Variants in RAPH1 observed in about 807,000 individuals in gnomAD.
The protein encoded by RAPH1 is Ras association (RalGDS/AF-6) and pleckstrin homology domains 1, also known as ras-associated and pleckstrin homology domains-containing protein 1.
A neutral mutation model predicts 88.1 loss-of-function variants in RAPH1; 18 were observed. That is an observed-to-expected ratio of 0.20 (90% CI 0.14 to 0.30). The LOEUF (loss-of-function observed/expected upper bound fraction) is 0.30, where lower values mean the gene tolerates loss of function less well. Ranked by LOEUF, RAPH1 falls within the 10% of genes least tolerant of loss-of-function variation. The pLI is 1.00. For missense variants in RAPH1, 1,448 were observed against 1,543.2 expected, an observed-to-expected ratio of 0.94 and a Z score of 1.03; for synonymous variants, 587 against 559.0, an observed-to-expected ratio of 1.05 and a Z score of -0.71.
At chr2:203,488,538 G>T (rs1688082247) in intron 4 of RAPH1, among the ~76,000 whole-genome samples, 1 of 119,446 alleles carries the variant, frequency 8.4e-6, no homozygotes, top group Non-Finnish European at 1.6e-5. Context: ...AGTGAGCCAA[G>T]ATCATGCCAC....
intron 1 of RAPH1, among the ~76,000 whole-genome samples, chr2:203,509,867 C>A (rs918972840): frequency 1.3e-5 from 2 of 152,038 alleles, no homozygotes; most frequent in Non-Finnish European, 2.9e-5. Context: ...GCACCTCCCC[C>A]CTACTCTTGC....
At chr2:203,456,499 C>A (rs1428664053) in intron 8 of RAPH1, among the ~76,000 whole-genome samples, 1 of 152,060 alleles carries the variant, frequency 6.6e-6, no homozygotes, top group Non-Finnish European at 1.5e-5. Context: ...ATTCTAAGTT[C>A]TAAACACTAT....
chr2:203,450,322 G>T (rs1410683987), intron 10 of RAPH1, among the ~76,000 whole-genome samples: 1 of 152,024 alleles, frequency 6.6e-6, no homozygotes, highest in African/African-American at 2.4e-5. Flanking sequence ...CAATTTTCTT[G>T]TTGAAGGTTA....
chr2:203,439,940 G>A lies in RAPH1; in HGVS notation c.3250C>T (p.Leu1084=). The change falls in exon 14 of 14, where the codon CTG becomes TTG. Residue 1084 remains leucine (L), a synonymous_variant. Transcript: ENST00000319170. The stretch of plus-strand genomic sequence containing the variant: ...ACTGCTGGAATCTCAATGGGGGGCA[G>A]AGGAAGCTCTGTTTCAGGTGGAGGG... The part of the protein sequence containing the change: ...PPPPPETELP[L]PPIEIPAVFS... 6.2e-7 allele frequency: 1 copy of A among 1,613,964 alleles called. No homozygotes were observed. Among genetic ancestry groups the A allele is most frequent in the South Asian group, 1.1e-5 (1 of 91,062 alleles).
At chr2:203,533,142 T>C (rs977375336) in intron 1 of RAPH1, among the ~76,000 whole-genome samples, 3 of 152,168 alleles carry the variant, frequency 2.0e-5, no homozygotes, top group Admixed American at 6.5e-5. Context: ...ACACACCCAA[T>C]AGTGCCCACT....
At chr2:203,508,314 G>A (rs1006513576) in intron 1 of RAPH1, among the ~76,000 whole-genome samples, 29 of 150,726 alleles carry the variant, frequency 1.9e-4, no homozygotes, top group Non-Finnish European at 3.4e-4. Context: ...TGTATTTTTA[G>A]TAGAGACAGG....
intron 1 of RAPH1, among the ~76,000 whole-genome samples, chr2:203,502,270 C>T (rs1253163837): frequency 6.6e-6 from 1 of 152,134 alleles, no homozygotes; most frequent in Non-Finnish European, 1.5e-5. Context: ...TTGGGCCAGT[C>T]ACGGTAAATT....
intron 1 of RAPH1, among the ~76,000 whole-genome samples, chr2:203,517,359 C>CAAAAA (rs71408943): frequency 3.7e-3 from 118 of 31,868 alleles, no homozygotes; most frequent in East Asian, 6.6e-3. Context: ...CTATGAGAGG[C>CAAAAA]AAAAAAAAAA....
intron 1 of RAPH1, among the ~76,000 whole-genome samples, chr2:203,495,707 C>T (rs1278018614): frequency 6.6e-6 from 1 of 151,916 alleles, no homozygotes; most frequent in Non-Finnish European, 1.5e-5. Flanking sequence ...ACCCAAACAC[C>T]ACAAAGAAGC....
chr2:203,461,825 C>T (rs1210864404), intron 5 of RAPH1, 23 bp downstream of exon 5: 4 of 1,565,756 alleles, frequency 2.6e-6, no homozygotes. Flanking sequence ...AAATCCCAAA[C>T]CAGGAAGAGG....
chr2:203,481,252 T>C (rs1687706908), intron 4 of RAPH1, among the ~76,000 whole-genome samples: 1 of 152,104 alleles, frequency 6.6e-6, no homozygotes, highest in African/African-American at 2.4e-5. Flanking sequence ...AGTAGCATGA[T>C]ATGGTGGTAT....
intron 1 of RAPH1, among the ~76,000 whole-genome samples, chr2:203,511,015 C>T (rs1008890641): frequency 6.6e-6 from 1 of 152,050 alleles, no homozygotes; most frequent in African/African-American, 2.4e-5. Flanking sequence ...CTCTGAGAAG[C>T]CCATGAACTC....
intron 4 of RAPH1, among the ~76,000 whole-genome samples, chr2:203,486,008 C>A (rs1174870461): frequency 2.0e-5 from 3 of 149,848 alleles, no homozygotes; most frequent in African/African-American, 7.4e-5. Flanking sequence ...AAAACACTGG[C>A]AGCCAGCATA....
chr2:203,441,760 A>G, intron 13 of RAPH1: 1 of 1,272,192 alleles, frequency 7.9e-7, no homozygotes, highest in Non-Finnish European at 9.9e-7. Flanking sequence ...CCTACATGGA[A>G]CCCTCTGTGG....
At chr2:203,468,984 A>G (rs1416615318) in intron 4 of RAPH1, among the ~76,000 whole-genome samples, 1 of 152,234 alleles carries the variant, frequency 6.6e-6, no homozygotes, top group Non-Finnish European at 1.5e-5. Context: ...CATCCTAAAC[A>G]GAAACAGAAA....
chr2:203,440,857 G>A lies in RAPH1; in HGVS notation c.2333C>T (p.Pro778Leu), dbSNP rs1313255209. ...PIPAPLPPQA[P>L]PKPLVTIPAP... ...GGGGATGGTCACAAGGGGTTTTGGG[G>A]GAGCTTGGGGAGGGAGGGGTGCAGG... The change falls in exon 14 of 14, where the codon CCC becomes CTC. Residue 778 changes from proline (P) to leucine (L), a missense_variant. By Grantham distance (98) the Pro-to-Leu change is moderately conservative. Coordinates refer to ENST00000319170, the MANE Select transcript of RAPH1 (RefSeq NM_213589.3). 1 of 1,532,008 alleles carries A rather than the reference G, an allele frequency of 6.5e-7. No homozygotes were observed. The allele number at this position is 1,532,008 out of a possible 1,614,324, so 94.9% of individuals were successfully genotyped here.
At chr2:203,517,578 A>G (rs918315291) in intron 1 of RAPH1, among the ~76,000 whole-genome samples, 1 of 152,138 alleles carries the variant, frequency 6.6e-6, no homozygotes, top group Non-Finnish European at 1.5e-5. Flanking sequence ...TCTCAAGCTC[A>G]CACTGAATAT....
chr2:203,473,097 T>C (rs900205300), intron 4 of RAPH1, among the ~76,000 whole-genome samples: 5 of 151,896 alleles, frequency 3.3e-5, no homozygotes, highest in African/African-American at 1.2e-4. Context: ...ATTTAGTTAC[T>C]AGCAGAAACA....
At chr2:203,441,535 T>A in intron 13 of RAPH1, 122 bp from the exon 14 acceptor site, 1 of 1,400,108 alleles carries the variant, frequency 7.1e-7, no homozygotes, top group Non-Finnish European at 9.2e-7. Context: ...ATGAAAAGGA[T>A]GCAGAAGTTG....
Sources: gnomAD v4.1 joint callset for allele counts (sites outside exome capture counted in the v4.1 genomes callset) on GRCh38, gnomAD v4.1.1 for gene constraint, MANE v1.5 for transcripts, NCBI Gene and HGNC (gene_info 2026-07-23, HGNC 2026-07-21) for gene names.